UGT2A1: variants seen among roughly 807,000 people sequenced by gnomAD.
UGT2A1 encodes UDP-glucuronosyltransferase 2A1.
In UGT2A1, 61 loss-of-function variants were observed where a neutral mutation model predicts 45.4. The ratio of observed to expected loss-of-function variants is 1.34; its 90% CI spans 1.09 to 1.66. UGT2A1 has a LOEUF of 1.66. Ranked by LOEUF, UGT2A1 falls within the 40% of genes most tolerant of loss-of-function variation. The pLI, the probability that UGT2A1 is intolerant of heterozygous loss-of-function variation, is 0.00. For missense variants in UGT2A1, 649 were observed against 574.3 expected (o/e 1.13, Z -1.33); for synonymous variants, 229 against 196.2 (o/e 1.17, Z -1.40).
At chr4:69,641,238 A>T (rs540826449) in intron 2 of UGT2A1, among the ~76,000 whole-genome samples, 1 of 152,058 alleles carries the variant, frequency 6.6e-6, no homozygotes, top group Admixed American at 6.6e-5. Context: ...GGGCAATAAA[A>T]TATTTACCTA....
intron 6 of UGT2A1, among the ~76,000 whole-genome samples, chr4:69,593,675 A>T (rs77617178): frequency 0.04 from 6,105 of 151,716 alleles, 221 homozygotes; most frequent in South Asian, 0.17. Flanking sequence ...AAAATATCAC[A>T]TAGTACAAAT....
At chr4:69,640,916 G>T (rs959687577) in intron 2 of UGT2A1, among the ~76,000 whole-genome samples, 2 of 151,760 alleles carry the variant, frequency 1.3e-5, no homozygotes, top group African/African-American at 4.8e-5. Context: ...CCCAGTAAAA[G>T]GGGTTTAAAA....
intron 3 of UGT2A1, among the ~76,000 whole-genome samples, chr4:69,616,855 A>G (rs912641371): frequency 1.0e-5 from 1 of 100,480 alleles, no homozygotes; most frequent in Non-Finnish European, 2.0e-5. Context: ...TTTTTTGAAT[A>G]GTGGTTTCTA....
At chr4:69,612,486 T>G (rs1054101062) in intron 3 of UGT2A1, among the ~76,000 whole-genome samples, 68 of 152,030 alleles carry the variant, frequency 4.5e-4, no homozygotes, top group Admixed American at 4.3e-3. Context: ...AACTTCAAAC[T>G]ATAAGACTAC....
At chr4:69,610,590 C>G (rs570086912) in intron 3 of UGT2A1, among the ~76,000 whole-genome samples, 7 of 152,152 alleles carry the variant, frequency 4.6e-5, no homozygotes, top group African/African-American at 1.7e-4. Flanking sequence ...GTATATGAAG[C>G]CTGACTGTAT....
At position 69,613,417 on chromosome 4, in the gene UGT2A1, T is replaced by C. The variant is rs549187005; in HGVS notation, c.848-14023A>G. ...TTCTACCAAACATTTGAATAACTAA[T>C]GTCAATTCTACTGAAACTATTCAAA... is the stretch of plus-strand genomic sequence containing the variant. On this transcript the variant is annotated intron_variant, in intron 3 of 6. Transcript: ENST00000286604. Among the ~76,000 whole-genome samples, 9 of 152,112 alleles carry C rather than the reference T, an allele frequency of 5.9e-5. No homozygotes were observed. In the East Asian group the frequency reaches 1.7e-3, roughly 29 times the overall value.
At chr4:69,644,940 G>A (rs1222913673) in intron 2 of UGT2A1, among the ~76,000 whole-genome samples, 3 of 151,778 alleles carry the variant, frequency 2.0e-5, no homozygotes, top group Non-Finnish European at 4.4e-5. Flanking sequence ...TAGAAAAGAA[G>A]CTAATGTGTC....
chr4:69,597,673 C>T (rs1015222173), intron 4 of UGT2A1, among the ~76,000 whole-genome samples: 1 of 151,890 alleles, frequency 6.6e-6, no homozygotes, highest in African/African-American at 2.4e-5. Context: ...GGTGCTTTGC[C>T]ATTTTGATTT....
At chr4:69,601,699 T>C (rs1719305022) in intron 3 of UGT2A1, among the ~76,000 whole-genome samples, 1 of 151,694 alleles carries the variant, frequency 6.6e-6, no homozygotes, top group Admixed American at 6.6e-5. Context: ...TCTCACAAAG[T>C]CTATGTAACT....
intron 1 of UGT2A1, among the ~76,000 whole-genome samples, chr4:69,648,716 CAGTGTACACTACTTG>C (rs1287778798): frequency 6.6e-6 from 1 of 152,004 alleles, no homozygotes; most frequent in Non-Finnish European, 1.5e-5. Flanking sequence ...AATGGAAATA[CAGTGTACACTACTTG>C]AGTGATGGGT....
intron 3 of UGT2A1, among the ~76,000 whole-genome samples, chr4:69,631,977 CCA>C (rs1185892854): frequency 6.6e-6 from 1 of 152,068 alleles, no homozygotes; most frequent in Non-Finnish European, 1.5e-5. Flanking sequence ...AATATAAGCA[CCA>C]CAGTTTGTAT....
In UGT2A1 at chr4:69,647,561, C is replaced by A; in HGVS notation, c.84G>T (p.Met28Ile). 6.2e-7 allele frequency: 1 copy of A among 1,612,164 alleles called. No homozygotes were observed. The highest frequency in any genetic ancestry group is 8.5e-7 in the Non-Finnish European group (1 of 1,178,986). The change falls in exon 2 of 7, where the codon ATG becomes ATT. Residue 28 changes from methionine to isoleucine, a missense_variant. Coordinates refer to ENST00000286604, the MANE Select transcript of UGT2A1 (RefSeq NM_001252275.3). Reference sequence around the variant, plus strand: ...TAACATTTAGCCAATGACTACCTTCCATTGGCCAAATCAAAACATTCCCAC... The same window carrying A: ...TAACATTTAGCCAATGACTACCTTCAATTGGCCAAATCAAAACATTCCCAC... ...TLGGNVLIWP[M>I]EGSHWLNVKI...
At chr4:69,596,427 GA>G in intron 4 of UGT2A1, 4 of 1,426,698 alleles carry the variant, frequency 2.8e-6, no homozygotes, top group Non-Finnish European at 3.7e-6. Context: ...AGCATCATAA[GA>G]AAAAATAAGT....
intron 3 of UGT2A1, among the ~76,000 whole-genome samples, chr4:69,601,719 C>A (rs1424491541): frequency 1.3e-5 from 2 of 151,462 alleles, no homozygotes; most frequent in African/African-American, 4.9e-5. Flanking sequence ...TCCCCTGCCA[C>A]CCCTGTCAGA....
intron 3 of UGT2A1, among the ~76,000 whole-genome samples, chr4:69,633,607 T>C (rs977420738): frequency 6.6e-6 from 1 of 152,206 alleles, no homozygotes; most frequent in Non-Finnish European, 1.5e-5. Flanking sequence ...AGACTCCATA[T>C]AGCTATAAGA....
At chr4:69,595,014 G>A (rs1331210514) in intron 5 of UGT2A1, 148 bp downstream of exon 5, 2 of 1,156,904 alleles carry the variant, frequency 1.7e-6, no homozygotes, top group Non-Finnish European at 2.4e-6. Context: ...TAAAATTAAT[G>A]GCCAATTATG....
intron 3 of UGT2A1, among the ~76,000 whole-genome samples, chr4:69,600,515 A>T (rs760882443): frequency 6.6e-5 from 10 of 152,220 alleles, no homozygotes; most frequent in East Asian, 1.9e-4. Context: ...CAAGAGATGG[A>T]CATCCCTACT....
At chr4:69,638,208 A>T (rs1041450350) in intron 2 of UGT2A1, among the ~76,000 whole-genome samples, 2 of 152,112 alleles carry the variant, frequency 1.3e-5, no homozygotes, top group Admixed American at 1.3e-4. Context: ...CTGGAGGCAA[A>T]ATCATCAAGA....
At chr4:69,647,789 A>G in intron 1 of UGT2A1, 91 bp from the exon 2 acceptor site, 1 of 573,892 alleles carries the variant, frequency 1.7e-6, no homozygotes, top group Admixed American at 3.6e-5. Flanking sequence ...AGAAAGTGAT[A>G]CTAGTCATAG....
Sources: gnomAD v4.1 joint callset for allele counts (sites outside exome capture counted in the v4.1 genomes callset) on GRCh38, gnomAD v4.1.1 for gene constraint, MANE v1.5 for transcripts, NCBI Gene and HGNC (gene_info 2026-07-23, HGNC 2026-07-21) for gene names.